CCSER1: variants seen among roughly 807,000 people sequenced by gnomAD.
CCSER1 encodes coiled-coil serine rich protein 1.
Under a neutral mutation model 82.0 loss-of-function variants are expected in CCSER1, and 41 were observed. The observed-to-expected ratio is 0.50, with a 90% confidence interval of 0.39 to 0.65. The LOEUF is 0.65. CCSER1 is among the 30% of genes least tolerant of loss of function. The pLI is 0.00. For missense variants in CCSER1, 1,119 were observed against 1,064.2 expected, an observed-to-expected ratio of 1.05 and a Z score of -0.72; for synonymous variants, 414 against 383.9, an observed-to-expected ratio of 1.08 and a Z score of -0.92.
chr4:91,455,547 A>G (rs1024361466), intron 10 of CCSER1, among the ~76,000 whole-genome samples: 1 of 151,994 alleles, frequency 6.6e-6, no homozygotes, highest in African/African-American at 2.4e-5. Flanking sequence ...CACCGTATAT[A>G]CTGGAACCTC....
chr4:90,829,908 T>C (rs1049718029), intron 8 of CCSER1, among the ~76,000 whole-genome samples: 7 of 152,174 alleles, frequency 4.6e-5, no homozygotes, highest in Non-Finnish European at 1.0e-4. Context: ...TATCTGAGGC[T>C]TCCTTCCTTT....
At chr4:91,536,405 T>A (rs1761297237) in intron 10 of CCSER1, among the ~76,000 whole-genome samples, 1 of 152,202 alleles carries the variant, frequency 6.6e-6, no homozygotes, top group African/African-American at 2.4e-5. Flanking sequence ...CAGACAAATA[T>A]AAGAAACGCA....
At chr4:90,473,687 T>C (rs538026243) in intron 5 of CCSER1, among the ~76,000 whole-genome samples, 1 of 152,294 alleles carries the variant, frequency 6.6e-6, no homozygotes, top group East Asian at 1.9e-4. Flanking sequence ...ATAGTATATG[T>C]TAGATTTGGA....
At chr4:90,452,206 G>T (rs1036887199) in intron 4 of CCSER1, among the ~76,000 whole-genome samples, 32 of 152,202 alleles carry the variant, frequency 2.1e-4, no homozygotes, top group East Asian at 9.7e-4. Context: ...CTCTAAGGGG[G>T]TTTTTTTGAG....
chr4:91,108,793 T>C (rs1725851336), intron 10 of CCSER1, among the ~76,000 whole-genome samples: 1 of 152,234 alleles, frequency 6.6e-6, no homozygotes, highest in African/African-American at 2.4e-5. Flanking sequence ...TGGTTAATTT[T>C]AGGTGTCAAC....
chr4:90,400,177 A>G (rs1316405173), intron 4 of CCSER1, 48 bp downstream of exon 4: 1 of 1,030,122 alleles, frequency 9.7e-7, no homozygotes, highest in Non-Finnish European at 1.5e-6. Context: ...TACCCTGGTC[A>G]GTAGCTTTCA....
chr4:90,835,653 A>T (rs552205921), intron 8 of CCSER1, among the ~76,000 whole-genome samples: 1 of 152,270 alleles, frequency 6.6e-6, no homozygotes, highest in South Asian at 2.1e-4. Flanking sequence ...CATCATCGAT[A>T]ACATCTAATG....
chr4:91,238,364 C>A (rs1560536371), intron 10 of CCSER1, among the ~76,000 whole-genome samples: 1 of 149,052 alleles, frequency 6.7e-6, no homozygotes, highest in African/African-American at 2.5e-5. Flanking sequence ...CATGTCGCTG[C>A]AAAAAAAAAT....
intron 10 of CCSER1, among the ~76,000 whole-genome samples, chr4:91,314,608 G>T (rs949458079): frequency 6.6e-6 from 1 of 151,882 alleles, no homozygotes; most frequent in Non-Finnish European, 1.5e-5. Context: ...TTGCAGCCGT[G>T]CTGAAATTAC....
intron 1 of CCSER1, among the ~76,000 whole-genome samples, chr4:90,306,294 TTAATAA>T (rs1245128487): frequency 6.6e-6 from 1 of 152,130 alleles, no homozygotes. Flanking sequence ...GTGACTATAG[TTAATAA>T]TAATGTACTG....
chr4:90,978,461 G>A (rs1329704811), intron 9 of CCSER1, among the ~76,000 whole-genome samples: 2 of 151,500 alleles, frequency 1.3e-5, no homozygotes, highest in African/African-American at 2.4e-5. Context: ...TTTCCAAAAT[G>A]TCTATTATTT....
At chr4:90,302,253 A>G (rs1305125861) in intron 1 of CCSER1, among the ~76,000 whole-genome samples, 1 of 152,232 alleles carries the variant, frequency 6.6e-6, no homozygotes, top group Non-Finnish European at 1.5e-5. Flanking sequence ...CTTAAGACAA[A>G]ATAGTAAATT....
chr4:90,641,662 T>C (rs1018576638), intron 6 of CCSER1, among the ~76,000 whole-genome samples: 4 of 152,158 alleles, frequency 2.6e-5, no homozygotes, highest in African/African-American at 9.7e-5. Flanking sequence ...TCTTCTGATA[T>C]TTATATGATG....
At chr4:91,195,363 A>G (rs185070702) in intron 10 of CCSER1, among the ~76,000 whole-genome samples, 1 of 152,324 alleles carries the variant, frequency 6.6e-6, no homozygotes, top group East Asian at 1.9e-4. Context: ...GTATAAGTCT[A>G]ATGTATAAAG....
intron 10 of CCSER1, among the ~76,000 whole-genome samples, chr4:91,425,329 G>A (rs1753906696): frequency 6.6e-6 from 1 of 152,042 alleles, no homozygotes; most frequent in Admixed American, 6.6e-5. Context: ...GAAAGATTTT[G>A]ATTTCATTCC....
intron 3 of CCSER1, among the ~76,000 whole-genome samples, chr4:90,322,936 A>G (rs947516134): frequency 2.0e-5 from 3 of 152,064 alleles, no homozygotes; most frequent in African/African-American, 7.2e-5. Flanking sequence ...GCTACCACTG[A>G]TGTTTACGCA....
intron 5 of CCSER1, among the ~76,000 whole-genome samples, chr4:90,529,489 C>A (rs1467542809): frequency 1.3e-5 from 2 of 152,134 alleles, no homozygotes; most frequent in Non-Finnish European, 1.5e-5. Context: ...CTTGGCCTCC[C>A]AAAGTACTGG....
chr4:90,958,299 G>C (rs942553120), intron 9 of CCSER1, among the ~76,000 whole-genome samples: 1 of 152,100 alleles, frequency 6.6e-6, no homozygotes, highest in Admixed American at 6.5e-5. Flanking sequence ...TAAGTAACTA[G>C]TTGTCTGCTG....
At chr4:91,235,098 G>A (rs1738903184) in intron 10 of CCSER1, among the ~76,000 whole-genome samples, 1 of 152,064 alleles carries the variant, frequency 6.6e-6, no homozygotes, top group Admixed American at 6.6e-5. Context: ...CATAAGTCAA[G>A]CACTTAGAAC....
Sources: allele counts gnomAD v4.1 joint callset (sites outside exome capture counted in the v4.1 genomes callset), GRCh38; gene constraint gnomAD v4.1.1; transcripts MANE v1.5; gene names NCBI Gene and HGNC (gene_info 2026-07-23, HGNC 2026-07-21).